STIM2: variants seen among roughly 807,000 people sequenced by gnomAD.
STIM2 encodes the protein stromal interaction molecule 2.
A neutral mutation model predicts 85.8 loss-of-function variants in STIM2; 31 were observed. The ratio of observed to expected loss-of-function variants is 0.36; its 90% CI spans 0.27 to 0.49. STIM2 has a LOEUF of 0.49. STIM2 is among the 20% of genes least tolerant of loss of function. STIM2 has a pLI of 0.98. For synonymous variants in STIM2, 356 were observed against 331.1 expected (o/e 1.08, Z -0.82); for missense variants, 841 against 927.6 (o/e 0.91, Z 1.21).
chr4:26,917,618 A>G (rs1366193508), intron 1 of STIM2, among the ~76,000 whole-genome samples: 1 of 152,130 alleles, frequency 6.6e-6, no homozygotes, highest in Non-Finnish European at 1.5e-5. Context: ...TTTTCAAGTC[A>G]TGTTGCTCCT....
chr4:26,974,887 AT>A (rs1309481261), intron 3 of STIM2, among the ~76,000 whole-genome samples: 1 of 152,000 alleles, frequency 6.6e-6, no homozygotes, highest in East Asian at 1.9e-4. Flanking sequence ...TCAAATGTAG[AT>A]TTGGTCTTTT....
chr4:26,900,198 T>C (rs1723865948), intron 1 of STIM2, among the ~76,000 whole-genome samples: 1 of 152,190 alleles, frequency 6.6e-6, no homozygotes, highest in African/African-American at 2.4e-5. Context: ...AAGTAGCTAG[T>C]GTACAGAACT....
chr4:26,892,261 A>C (rs1039063003), intron 1 of STIM2, among the ~76,000 whole-genome samples: 1 of 152,212 alleles, frequency 6.6e-6, no homozygotes, highest in Non-Finnish European at 1.5e-5. Flanking sequence ...CTTAAACATC[A>C]AACATTTATT....
intron 1 of STIM2, among the ~76,000 whole-genome samples, chr4:26,865,251 A>G (rs1248381704): frequency 6.6e-6 from 1 of 152,172 alleles, no homozygotes; most frequent in Non-Finnish European, 1.5e-5. Context: ...CATTTGATCT[A>G]GTCGATTCTG....
chr4:27,021,162 G>A (rs867535298), intron 11 of STIM2: 1 of 1,188,280 alleles, frequency 8.4e-7, no homozygotes. Flanking sequence ...ACATTTTTAT[G>A]AAGTACCTAC....
At chr4:26,950,800 G>A (rs1213210109) in intron 2 of STIM2, among the ~76,000 whole-genome samples, 1 of 152,172 alleles carries the variant, frequency 6.6e-6, no homozygotes, top group Non-Finnish European at 1.5e-5. Flanking sequence ...GGAATGCTGT[G>A]TTGTTCTTGG....
At chr4:26,998,508 ACTT>A (rs1728036815) in intron 4 of STIM2, among the ~76,000 whole-genome samples, 2 of 152,128 alleles carry the variant, frequency 1.3e-5, no homozygotes, top group South Asian at 4.1e-4. Flanking sequence ...TAAATTGAAA[ACTT>A]AATTGTTTTT....
chr4:26,888,768 A>T (rs1052294698), intron 1 of STIM2, among the ~76,000 whole-genome samples: 2 of 152,224 alleles, frequency 1.3e-5, no homozygotes, highest in African/African-American at 4.8e-5. Context: ...TAATTACAAG[A>T]TCTCTTGTAT....
rs1033018769 is a variant in STIM2 at position 26,904,314 on chromosome 4, A to G, written c.152-15190A>G. 7.2e-5 allele frequency among the ~76,000 whole-genome samples: 11 copies of G among 152,202 alleles called. 1 individual carries two copies. Among genetic ancestry groups the G allele is most frequent in the Admixed American group, 6.5e-4 (10 of 15,288 alleles). ...TAAATGATTCATACTTAAAGTGTAC[A>G]ATTTGCTAAGTGTCAATATATGTAT... On this transcript the variant is annotated intron_variant, in intron 1 of 11. Transcript: ENST00000467087.
At chr4:26,917,671 T>G (rs541463930) in intron 1 of STIM2, among the ~76,000 whole-genome samples, 2 of 152,316 alleles carry the variant, frequency 1.3e-5, no homozygotes, top group Non-Finnish European at 2.9e-5. Context: ...TCCTCACTGT[T>G]GACTCCTCTT....
At chr4:26,992,251 T>G (rs1367981535) in intron 3 of STIM2, among the ~76,000 whole-genome samples, 1 of 152,164 alleles carries the variant, frequency 6.6e-6, no homozygotes, top group East Asian at 1.9e-4. Context: ...TTCTACGTCA[T>G]TCAACAGCAT....
chr4:26,911,605 A>G (rs1724341678), intron 1 of STIM2, among the ~76,000 whole-genome samples: 1 of 152,232 alleles, frequency 6.6e-6, no homozygotes, highest in Non-Finnish European at 1.5e-5. Flanking sequence ...CTGAATAGAT[A>G]ATCAGAGATT....
At chr4:26,873,866 G>T in intron 1 of STIM2, 1 of 1,195,756 alleles carries the variant, frequency 8.4e-7, no homozygotes, top group African/African-American at 1.5e-5. Context: ...CATCCGGGCA[G>T]AGAGGCAGTG....
At chr4:26,956,670 T>C (rs929447324) in intron 2 of STIM2, among the ~76,000 whole-genome samples, 1 of 151,776 alleles carries the variant, frequency 6.6e-6, no homozygotes, top group Non-Finnish European at 1.5e-5. Flanking sequence ...GAATTAAAAG[T>C]AGTAGCTTAA....
chr4:26,891,401 C>T (rs1348175022), intron 1 of STIM2, among the ~76,000 whole-genome samples: 5 of 152,202 alleles, frequency 3.3e-5, no homozygotes, highest in Non-Finnish European at 5.9e-5. Flanking sequence ...AATTTGGACT[C>T]AAGTAAAACA....
chr4:26,861,538 T>G (rs1722195769), intron 1 of STIM2, 169 bp downstream of exon 1: 2 of 1,073,026 alleles, frequency 1.9e-6, no homozygotes, highest in Non-Finnish European at 2.4e-6. Flanking sequence ...TCCGGACGTC[T>G]TTCCTTTTCA....
In STIM2 at chr4:26,876,521, A is replaced by C. The variant is rs115052388; in HGVS notation, c.151+15152A>C. Among the ~76,000 whole-genome samples, 1,205 of 152,318 alleles carry C rather than the reference A, an allele frequency of 7.9e-3. 15 individuals carry two copies. Among genetic ancestry groups the C allele is most frequent in the African/African-American group, 0.027 (1,123 of 41,574 alleles). On this transcript the variant is annotated intron_variant, in intron 1 of 11. Coordinates refer to ENST00000467087, the MANE Select transcript of STIM2 (RefSeq NM_020860.4). ...GTTACTCTAACATAAAAAGTCTCAC[A>C]ATAGTGGAAATGAGAAACCATAAAT...
intron 1 of STIM2, chr4:26,874,215 G>T: frequency 2.1e-6 from 1 of 468,480 alleles, no homozygotes; most frequent in South Asian, 1.7e-5. Context: ...TCTGCACAGG[G>T]AACCCAGGGC....
chr4:26,930,394 T>TC (rs1173185736), intron 2 of STIM2, among the ~76,000 whole-genome samples: 1 of 152,186 alleles, frequency 6.6e-6, no homozygotes, highest in Admixed American at 6.6e-5. Context: ...AACATTTTTT[T>TC]CATTCCTTTC....
Sources: allele counts gnomAD v4.1 joint callset (sites outside exome capture counted in the v4.1 genomes callset), GRCh38; gene constraint gnomAD v4.1.1; transcripts MANE v1.5; gene names NCBI Gene and HGNC (gene_info 2026-07-23, HGNC 2026-07-21).